CLK4: variants seen among roughly 807,000 people sequenced by gnomAD.
CLK4 encodes CDC like kinase 4, also known as dual specificity protein kinase CLK4.
A neutral mutation model predicts 64.4 loss-of-function variants in CLK4; 37 were observed. That is an observed-to-expected ratio of 0.57 (90% CI 0.44 to 0.76). CLK4 has a LOEUF of 0.76. Among genes scored for constraint, CLK4 ranks in the 30% least tolerant of loss-of-function variants. The pLI is 0.00. For missense variants in CLK4, 457 were observed against 605.1 expected (o/e 0.76, Z 2.57); for synonymous variants, 175 against 191.6 (o/e 0.91, Z 0.72).
In CLK4 at chr5:178,622,343, T is replaced by TCA. The variant is rs370330708; in HGVS notation, c.161+912_161+913insTG. 9.9e-4 allele frequency: 754 copies of TCA among 758,542 alleles called. 1 individual carries two copies. The African/African-American group carries it at 0.011, about 11-fold the overall frequency. The allele number at this position is 758,542 out of a possible 1,614,324, so 47.0% of individuals were successfully genotyped here. On this transcript the variant is annotated intron_variant, in intron 2 of 12. Transcript: ENST00000316308. ...TTGTCTGCACTGACTACAAATAAGC[T>TCA]GTTTGGCAGAACAAGTCTGTTAACG...
intron 2 of CLK4, chr5:178,620,766 T>A: frequency 3.6e-6 from 1 of 277,264 alleles, no homozygotes. Context: ...TGAAACAAAA[T>A]CCAACAATGT....
chr5:178,605,704 C>T (rs1486257263), intron 10 of CLK4: 1 of 180,202 alleles, frequency 5.5e-6, no homozygotes, highest in Non-Finnish European at 1.1e-5. Flanking sequence ...AAGATACTAC[C>T]TCAAAGTCAT....
chr5:178,609,758 A>T (rs959420967), intron 9 of CLK4, among the ~76,000 whole-genome samples: 7 of 142,742 alleles, frequency 4.9e-5, no homozygotes, highest in African/African-American at 1.6e-4. Context: ...TATATATATA[A>T]ATTAGTTGGG....
rs1167534076 is a variant in CLK4, at chr5:178,617,936, T to C, written c.385-502A>G. The C allele has an allele frequency of 6.6e-6, 1 of 151,488 alleles. No homozygotes were observed. The highest frequency in any genetic ancestry group is 1.5e-5 in the Non-Finnish European group (1 of 67,974). The allele number at this position is 151,488 out of a possible 1,614,324, so 9.4% of individuals were successfully genotyped here. On this transcript the variant is annotated intron_variant, in intron 3 of 12. Coordinates refer to ENST00000316308, the MANE Select transcript of CLK4 (RefSeq NM_020666.3). This position sits in a 1 kb window ranked among gnomAD's most constrained non-coding sequence, Gnocchi z 5.2. ...TAGTTAATTTCAATGTTCAATCTAA[T>C]AAAAACTAGTTTTACTGAAGAAAAC...
intron 5 of CLK4, 37 bp from the exon 6 acceptor site, chr5:178,613,880 C>T: frequency 6.8e-7 from 1 of 1,469,934 alleles, no homozygotes; most frequent in South Asian, 1.1e-5. Context: ...GATAAATGTA[C>T]AAGAGTGAGC....
Position 178,612,457 on chromosome 5 carries a change from A to G in CLK4, c.1010T>C (p.Leu337Ser), listed in dbSNP as rs552130875. Reference sequence around the variant, plus strand: ...AGCTCTGTAGTGCCGGGTAGACACCAAAGTACTGTGATGTTCATCATCATA... The same window carrying G: ...AGCTCTGTAGTGCCGGGTAGACACCGAAGTACTGTGATGTTCATCATCATA... The part of the protein sequence containing the change: ...ATYDDEHHST[L>S]VSTRHYRAPE... Residue 337 changes from leucine to serine, a missense_variant, in exon 9 of 13, where the codon TTG becomes TCG. Coordinates refer to ENST00000316308, the MANE Select transcript of CLK4 (RefSeq NM_020666.3). 1.2e-5 allele frequency: 20 copies of G among 1,614,102 alleles called. No homozygotes were observed. The highest frequency in any genetic ancestry group is 1.3e-5 in the African/African-American group (1 of 75,058).
Position 178,618,556 on chromosome 5 carries a change from CGAACGTGACTGATGACTT to C in CLK4, c.366_383del (p.Ser123_Ser128del), listed in dbSNP as rs764917250. The C allele has an allele frequency of 6.2e-7, 1 of 1,607,130 alleles. No homozygotes were observed. Among genetic ancestry groups the C allele is most frequent in the South Asian group, 1.1e-5 (1 of 90,118 alleles). On this transcript the variant is annotated inframe_deletion and splice_region_variant, in exon 3 of 13. Transcript: ENST00000316308. ...AAATTGAAAACAAAACCAATCATAC[CGAACGTGACTGATGACTT>C]GAACAGTGTCTATTGCGCTTCCTTT...
chr5:178,605,054 C>T (rs1358475513), intron 11 of CLK4: 1 of 206,484 alleles, frequency 4.8e-6, no homozygotes, highest in Non-Finnish European at 9.4e-6. Flanking sequence ...CACTTGAACC[C>T]AGGAGGCAGA....
Position 178,603,613 on chromosome 5 carries a change from C to T in CLK4, c.*4G>A, listed in dbSNP as rs778258792. ...AGTATATAGTAAGACCACTGATTCC[C>T]ATTTCATTTCTTTTTTAATAAGTCA... On this transcript the variant is annotated 3_prime_UTR_variant, in exon 13 of 13. Coordinates refer to ENST00000316308, the MANE Select transcript of CLK4 (RefSeq NM_020666.3). The T allele has an allele frequency of 3.2e-6, 5 of 1,554,980 alleles. No homozygotes were observed. The highest frequency in any genetic ancestry group is 4.2e-5 in the Admixed American group (2 of 47,132).
intron 9 of CLK4, among the ~76,000 whole-genome samples, chr5:178,611,091 G>T (rs954331490): frequency 2.0e-5 from 3 of 151,608 alleles, no homozygotes; most frequent in Non-Finnish European, 4.4e-5. Flanking sequence ...AAAAAAGGGG[G>T]GGGTTACTAT....
At chr5:178,609,066 T>C (rs1278736293) in intron 9 of CLK4, among the ~76,000 whole-genome samples, 1 of 152,184 alleles carries the variant, frequency 6.6e-6, no homozygotes, top group Non-Finnish European at 1.5e-5. Context: ...ATCGGCGCTG[T>C]CTATACATGA....
At position 178,603,927 on chromosome 5, in the gene CLK4, T is replaced by C; in HGVS notation, c.1222A>G (p.Lys408Glu). 6.3e-7 allele frequency: 1 copy of C among 1,599,628 alleles called. No homozygotes were observed. The highest frequency in any genetic ancestry group is 1.1e-5 in the South Asian group (1 of 87,846). Residue 408 changes from lysine (K) to glutamate (E), a missense_variant, in exon 12 of 13, where the codon AAG becomes GAG. Physicochemically the swap from Lys to Glu is moderately conservative, Grantham distance 56. Transcript: ENST00000316308. ...TCTAGCTGGTTATGGTGAAAATACT[T>C]GCGTTTTCTACAGAAAAAAAAAAAA... ...QHMIQKTRKRKYFHHNQLDWD... is the reference protein window; with the variant it reads ...QHMIQKTRKREYFHHNQLDWD...
At chr5:178,621,947 G>C (rs1197423539) in intron 2 of CLK4, 1 of 151,680 alleles carries the variant, frequency 6.6e-6, no homozygotes, top group Admixed American at 6.6e-5. Flanking sequence ...CAAAGTTTTT[G>C]ACCTTCAAAA....
chr5:178,621,254 A>G (rs1259017621), intron 2 of CLK4, among the ~76,000 whole-genome samples: 1 of 152,182 alleles, frequency 6.6e-6, no homozygotes, highest in Admixed American at 6.5e-5. Context: ...CATACCTCCA[A>G]GGTGATTCTT....
intron 1 of CLK4, among the ~76,000 whole-genome samples, chr5:178,623,949 G>C (rs530944870): frequency 2.0e-5 from 3 of 152,288 alleles, no homozygotes; most frequent in Admixed American, 6.5e-5. Context: ...TCAGTGTCAT[G>C]CAGCTTTGGC....
chr5:178,624,399 A>G (rs1562131713), intron 1 of CLK4, among the ~76,000 whole-genome samples: 1 of 152,256 alleles, frequency 6.6e-6, no homozygotes. Context: ...TAACCTTAAA[A>G]TCTATTTGTA....
chr5:178,622,247 T>C (rs1764717639), intron 2 of CLK4: 1 of 164,746 alleles, frequency 6.1e-6, no homozygotes, highest in Non-Finnish European at 1.3e-5. Context: ...TTATTAATTA[T>C]CTCTGGTCTC....
intron 5 of CLK4, 92 bp from the exon 6 acceptor site, chr5:178,613,935 C>T: frequency 1.2e-6 from 1 of 808,378 alleles, no homozygotes; most frequent in Non-Finnish European, 2.0e-6. Flanking sequence ...TTACCAATTC[C>T]TCTATGCCAT....
At chr5:178,618,178 CATTT>C (rs1200599446) in intron 3 of CLK4, 1 of 151,624 alleles carries the variant, frequency 6.6e-6, no homozygotes, top group Non-Finnish European at 1.5e-5. Flanking sequence ...CAATATTTCA[CATTT>C]ATTTTCAAGT....
Sources: gnomAD v4.1 joint callset for allele counts (sites outside exome capture counted in the v4.1 genomes callset) on GRCh38, gnomAD v4.1.1 for gene constraint, Gnocchi (gnomAD v3.1) non-coding constraint, MANE v1.5 for transcripts, NCBI Gene and HGNC (gene_info 2026-07-23, HGNC 2026-07-21) for gene names.